Variants in TBC1D8 observed in about 807,000 individuals in gnomAD.
The protein encoded by TBC1D8 is TBC1 domain family member 8, also known as BUB2-like protein 1.
Under a neutral mutation model 118.8 loss-of-function variants are expected in TBC1D8, and 65 were observed. That is an observed-to-expected ratio of 0.55 (90% CI 0.45 to 0.67). TBC1D8 has a LOEUF of 0.67. Among genes scored for constraint, TBC1D8 ranks in the 30% least tolerant of loss-of-function variants. The pLI is 0.00. For synonymous variants in TBC1D8, 566 were observed against 595.8 expected, an observed-to-expected ratio of 0.95 and a Z score of 0.73; for missense variants, 1,376 against 1,471.2, an observed-to-expected ratio of 0.94 and a Z score of 1.06.
chr2:101,034,232 T>C (rs1285438770), intron 9 of TBC1D8, among the ~76,000 whole-genome samples: 2 of 152,182 alleles, frequency 1.3e-5, no homozygotes, highest in Non-Finnish European at 2.9e-5. Context: ...AATAACCTTA[T>C]AGAGCGAAGG....
intron 1 of TBC1D8, among the ~76,000 whole-genome samples, chr2:101,146,681 G>C (rs180864229): frequency 1.8e-4 from 27 of 152,236 alleles, no homozygotes; most frequent in African/African-American, 6.3e-4. Flanking sequence ...CGGGTAGTTA[G>C]CATATCCATT....
At chr2:101,060,001 A>AC (rs928110891) in intron 2 of TBC1D8, among the ~76,000 whole-genome samples, 16 of 151,998 alleles carry the variant, frequency 1.1e-4, no homozygotes, top group African/African-American at 3.1e-4. Context: ...AAAGGAAGGC[A>AC]CCCCCATAGG....
At chr2:101,101,227 C>T (rs1676808227) in intron 1 of TBC1D8, among the ~76,000 whole-genome samples, 2 of 151,992 alleles carry the variant, frequency 1.3e-5, no homozygotes, top group Non-Finnish European at 2.9e-5. Context: ...CCATCAAAAA[C>T]TGGGTAAAGG....
chr2:101,037,007 G>A (rs1333455516), intron 8 of TBC1D8, among the ~76,000 whole-genome samples: 3 of 152,156 alleles, frequency 2.0e-5, no homozygotes, highest in Admixed American at 6.5e-5. Context: ...ATGGTCCAGC[G>A]CAGCACCCTG....
intron 1 of TBC1D8, among the ~76,000 whole-genome samples, chr2:101,138,396 C>T (rs1044164999): frequency 6.6e-6 from 1 of 152,176 alleles, no homozygotes; most frequent in African/African-American, 2.4e-5. Flanking sequence ...CTCCAGATGC[C>T]ACCTGGGTGT....
intron 1 of TBC1D8, among the ~76,000 whole-genome samples, chr2:101,127,479 A>G (rs1678404751): frequency 6.6e-6 from 1 of 152,186 alleles, no homozygotes; most frequent in Non-Finnish European, 1.5e-5. Context: ...CCACGTGTAG[A>G]GAACAGACGT....
At chr2:101,083,027 G>T (rs1006516524) in intron 2 of TBC1D8, among the ~76,000 whole-genome samples, 3 of 152,146 alleles carry the variant, frequency 2.0e-5, no homozygotes, top group Non-Finnish European at 4.4e-5. Context: ...CGTTGGTGGT[G>T]AGCAGGTCCA....
chr2:101,110,399 C>T (rs796060), intron 1 of TBC1D8, among the ~76,000 whole-genome samples: 16,940 of 152,184 alleles, frequency 0.11, 1,175 homozygotes, highest in South Asian at 0.2. Context: ...TAACACCCAT[C>T]CCTCTTCCCC....
chr2:101,030,679 TATTCATAAAAAGACTTATATG>T (rs1322707245), intron 11 of TBC1D8, among the ~76,000 whole-genome samples: 2 of 152,156 alleles, frequency 1.3e-5, no homozygotes, highest in Non-Finnish European at 2.9e-5. Context: ...TGACAGTATA[TATTCATAAAAAGACTTATATG>T]ACTGCTCATT....
In TBC1D8 at chr2:101,008,134, G is replaced by A. The variant is rs752796494; in HGVS notation, c.3155C>T (p.Ser1052Phe). 3.0e-5 allele frequency: 48 copies of A among 1,613,868 alleles called. 1 individual carries two copies. The Middle Eastern group carries it at 4.5e-3, about 150-fold the overall frequency. Residue 1052 changes from serine to phenylalanine, a missense_variant, in exon 20 of 20, where the codon TCT becomes TTT. Ser to Phe is a radical substitution (Grantham distance 155). Transcript: ENST00000409318. Reference sequence around the variant, plus strand: ...CCCACACTCCTGGGAGCAGCTTCCAGAGCTGCTGCCTCGCTGCCCCACCTC... The same window carrying A: ...CCCACACTCCTGGGAGCAGCTTCCAAAGCTGCTGCCTCGCTGCCCCACCTC... ...IGEVGQRGSS[S>F]GSCSQECGEE...
chr2:101,069,354 AG>A (rs1683182914), intron 2 of TBC1D8, among the ~76,000 whole-genome samples: 1 of 151,882 alleles, frequency 6.6e-6, no homozygotes, highest in South Asian at 2.1e-4. Flanking sequence ...TGGGAGGCTG[AG>A]GTGGGCGGAT....
chr2:101,079,625 C>G (rs1460299328), intron 2 of TBC1D8, among the ~76,000 whole-genome samples: 1 of 151,084 alleles, frequency 6.6e-6, no homozygotes, highest in Admixed American at 6.6e-5. Context: ...ACCCTTCCAC[C>G]TCAGCCTCTC....
At chr2:101,086,175 T>C (rs1416928493) in intron 2 of TBC1D8, among the ~76,000 whole-genome samples, 2 of 148,078 alleles carry the variant, frequency 1.4e-5, no homozygotes, top group African/African-American at 4.9e-5. Context: ...ACAAAATTAG[T>C]AGATAAGTTA....
intron 3 of TBC1D8, among the ~76,000 whole-genome samples, chr2:101,056,739 C>T (rs545412405): frequency 6.6e-6 from 1 of 152,268 alleles, no homozygotes; most frequent in African/African-American, 2.4e-5. Flanking sequence ...AGCAGACAGG[C>T]AGCAGGCACG....
intron 1 of TBC1D8, among the ~76,000 whole-genome samples, chr2:101,108,676 C>G (rs1472213364): frequency 6.6e-6 from 1 of 152,136 alleles, no homozygotes; most frequent in Non-Finnish European, 1.5e-5. Context: ...CTTCAGATCC[C>G]CTCGTCCAGT....
At position 101,050,422 on chromosome 2, in the gene TBC1D8, T is replaced by C. The variant is rs1223090191; in HGVS notation, c.851A>G (p.Glu284Gly). The C allele has an allele frequency of 1.2e-6, 2 of 1,613,430 alleles. No individual in the cohort carries two copies. Among genetic ancestry groups the C allele is most frequent in the Non-Finnish European group, 1.7e-6 (2 of 1,179,878 alleles). Residue 284 changes from glutamate to glycine, a missense_variant, in exon 5 of 20, where the codon GAG (glutamate) becomes GGG (glycine). Physicochemically the swap from Glu to Gly is moderately conservative, Grantham distance 98. Transcript: ENST00000409318. ...TCACCTCTTGGTGATCTGGCTCGGC[T>C]CCTGCAGATCGGGGTCGAGGTCAAA... ...EVFDLDPDLQ[E>G]PSQITKRDLE...
At chr2:101,029,450 C>T (rs1680541467) in intron 12 of TBC1D8, 41 bp downstream of exon 12, 1 of 1,591,472 alleles carries the variant, frequency 6.3e-7, no homozygotes, top group African/African-American at 1.3e-5. Context: ...GCTGCTGCCT[C>T]CTCCATCTCT....
At chr2:101,133,032 C>T (rs1010051930) in intron 1 of TBC1D8, among the ~76,000 whole-genome samples, 6 of 151,326 alleles carry the variant, frequency 4.0e-5, no homozygotes, top group African/African-American at 1.2e-4. Flanking sequence ...TGGTGGCGGG[C>T]GCCTGTAATC....
Position 101,029,734 on chromosome 2 carries a change from C to T in TBC1D8, c.1979G>A (p.Gly660Asp). The change falls in exon 12 of 20, where the codon GGT becomes GAT. Residue 660 changes from glycine (G) to aspartate (D), a missense_variant. Coordinates refer to ENST00000409318, the MANE Select transcript of TBC1D8 (RefSeq NM_001330348.2). ...GTGCTCTGCCAGCTCTGGGAGATGACCCTTGATGAGCTCCTCGAAGACAGA... is the reference window on the plus strand; with the variant it reads ...GTGCTCTGCCAGCTCTGGGAGATGATCCTTGATGAGCTCCTCGAAGACAGA... ...DQSVFEELIK[G>D]HLPELAEHMN... The T allele has an allele frequency of 1.9e-6, 3 of 1,613,978 alleles. No individual in the cohort carries two copies. Among genetic ancestry groups the T allele is most frequent in the Non-Finnish European group, 2.5e-6 (3 of 1,179,890 alleles).
Sources: allele counts gnomAD v4.1 joint callset (sites outside exome capture counted in the v4.1 genomes callset), GRCh38; gene constraint gnomAD v4.1.1; transcripts MANE v1.5; gene names NCBI Gene and HGNC (gene_info 2026-07-23, HGNC 2026-07-21).